Variants in LYPD6B observed in about 807,000 individuals in gnomAD.
The protein encoded by LYPD6B is ly6/PLAUR domain-containing protein 6B.
Under a neutral mutation model 22.8 loss-of-function variants are expected in LYPD6B, and 17 were observed. That is an observed-to-expected ratio of 0.75 (90% CI 0.51 to 1.12). The LOEUF is 1.12. Among genes scored for constraint, LYPD6B ranks in the 50% most tolerant of loss-of-function variants. LYPD6B has a pLI of 0.00. For missense variants in LYPD6B, 221 were observed against 258.3 expected (o/e 0.86, Z 0.99); for synonymous variants, 106 against 91.6 (o/e 1.16, Z -0.90).
chr2:149,200,151 G>A (rs1404386557), intron 3 of LYPD6B, among the ~76,000 whole-genome samples: 1 of 152,164 alleles, frequency 6.6e-6, no homozygotes, highest in Non-Finnish European at 1.5e-5. Flanking sequence ...GAGATAAGTG[G>A]TGCTTGCAGG....
At chr2:149,179,062 C>T (rs1415791208) in intron 3 of LYPD6B, among the ~76,000 whole-genome samples, 1 of 152,214 alleles carries the variant, frequency 6.6e-6, no homozygotes, top group Non-Finnish European at 1.5e-5. Flanking sequence ...ACACTGACTT[C>T]AGAATCACCA....
At chr2:149,145,498 T>C (rs1217418356) in intron 2 of LYPD6B, among the ~76,000 whole-genome samples, 3 of 152,210 alleles carry the variant, frequency 2.0e-5, no homozygotes, top group African/African-American at 7.2e-5. Context: ...GGATGCTTTA[T>C]TGTGCTGACT....
chr2:149,076,973 G>A (rs1684907955), intron 1 of LYPD6B, among the ~76,000 whole-genome samples: 1 of 152,180 alleles, frequency 6.6e-6, no homozygotes, highest in South Asian at 2.1e-4. Flanking sequence ...TCTTAGTAGG[G>A]AGAAGTGAAA....
intron 1 of LYPD6B, among the ~76,000 whole-genome samples, chr2:149,089,548 G>T (rs1004208859): frequency 2.6e-5 from 4 of 152,076 alleles, no homozygotes; most frequent in African/African-American, 4.8e-5. Context: ...ACTCAAATCT[G>T]ATGTTAACAT....
chr2:149,081,771 A>C (rs1685147909), intron 1 of LYPD6B, among the ~76,000 whole-genome samples: 1 of 152,188 alleles, frequency 6.6e-6, no homozygotes, highest in Non-Finnish European at 1.5e-5. Context: ...TTATGTACAC[A>C]TTTTAAAACA....
chr2:149,074,601 T>C (rs888951153), intron 1 of LYPD6B, among the ~76,000 whole-genome samples: 5 of 152,198 alleles, frequency 3.3e-5, no homozygotes, highest in African/African-American at 1.2e-4. Context: ...AGAAGAGTAA[T>C]TGGGGTGAAA....
chr2:149,170,072 A>G (rs948429169), intron 3 of LYPD6B, among the ~76,000 whole-genome samples: 1 of 152,214 alleles, frequency 6.6e-6, no homozygotes, highest in Non-Finnish European at 1.5e-5. Flanking sequence ...GTCTTCAGCC[A>G]TGTCTCTATT....
At chr2:149,167,227 G>T (rs1690488208) in intron 3 of LYPD6B, among the ~76,000 whole-genome samples, 1 of 152,120 alleles carries the variant, frequency 6.6e-6, no homozygotes, top group Non-Finnish European at 1.5e-5. Context: ...CAGTTGAATA[G>T]CTCAGCCTGC....
At chr2:149,046,949 C>G (rs1258312777) in intron 1 of LYPD6B, among the ~76,000 whole-genome samples, 1 of 152,122 alleles carries the variant, frequency 6.6e-6, no homozygotes, top group African/African-American at 2.4e-5. Flanking sequence ...GTTGCATATA[C>G]TTTTATTCTT....
intron 2 of LYPD6B, among the ~76,000 whole-genome samples, chr2:149,146,567 G>A (rs116775359): frequency 0.02 from 3,044 of 152,274 alleles, 41 homozygotes; most frequent in Middle Eastern, 0.037. Context: ...GGAGCCTTTG[G>A]ATGCATTTAT....
intron 2 of LYPD6B, among the ~76,000 whole-genome samples, chr2:149,139,088 C>T (rs994446530): frequency 2.6e-5 from 4 of 152,126 alleles, no homozygotes; most frequent in East Asian, 1.9e-4. Context: ...CATGTAGCAC[C>T]GTGAAGTGCT....
At chr2:149,111,476 G>A (rs1382465036) in intron 1 of LYPD6B, among the ~76,000 whole-genome samples, 1 of 152,120 alleles carries the variant, frequency 6.6e-6, no homozygotes, top group Admixed American at 6.6e-5. Context: ...ATGGTGGGAT[G>A]GGGGTGGGGA....
rs528082449 is a variant in LYPD6B at position 149,114,620 on chromosome 2, A to G, written c.-66-16263A>G. Among the ~76,000 whole-genome samples the G allele has an allele frequency of 2.0e-5, 3 of 152,314 alleles. No individual in the cohort carries two copies. In the South Asian group the frequency reaches 6.2e-4, roughly 32 times the overall value. On this transcript the variant is annotated intron_variant, in intron 1 of 6. Coordinates refer to ENST00000409642, the MANE Select transcript of LYPD6B (RefSeq NM_177964.5). ...CTGTTCTAAGGGCTAATCTTTAGTG[A>G]TAGATGCAGAGACAGGAGATTCAAG...
intron 2 of LYPD6B, among the ~76,000 whole-genome samples, chr2:149,133,274 A>C (rs1245790472): frequency 6.6e-6 from 1 of 152,202 alleles, no homozygotes; most frequent in Non-Finnish European, 1.5e-5. Context: ...AAAAGTACTA[A>C]GCCTCTGTGG....
At chr2:149,044,608 C>T (rs1292526972) in intron 1 of LYPD6B, among the ~76,000 whole-genome samples, 2 of 151,998 alleles carry the variant, frequency 1.3e-5, no homozygotes, top group African/African-American at 4.8e-5. Flanking sequence ...CTTCCTCCAA[C>T]TTATTGCACT....
At chr2:149,179,385 G>A (rs1447960389) in intron 3 of LYPD6B, among the ~76,000 whole-genome samples, 2 of 152,192 alleles carry the variant, frequency 1.3e-5, no homozygotes, top group African/African-American at 4.8e-5. Flanking sequence ...AAAATCTGTA[G>A]CCTTTATGTT....
chr2:149,072,441 A>C (rs1478539846), intron 1 of LYPD6B, among the ~76,000 whole-genome samples: 1 of 152,148 alleles, frequency 6.6e-6, no homozygotes, highest in East Asian at 1.9e-4. Flanking sequence ...AATAAATGCT[A>C]TGAAGGATAA....
In LYPD6B at chr2:149,057,400, TTA is replaced by T. The variant is rs200785745; in HGVS notation, c.-67+18600_-67+18601del. 8.7e-4 allele frequency among the ~76,000 whole-genome samples: 119 copies of T among 136,794 alleles called. 1 individual carries two copies. The highest frequency in any genetic ancestry group is 3.7e-3 in the Middle Eastern group (1 of 268). 89.7% of individuals were successfully genotyped at this position (136,794 alleles called of 152,430 possible). A position where few individuals can be genotyped will look rare whatever the true frequency, so the allele number is the denominator to read the frequency against. ...TGACCCTGCCCTGCACTTTTTTTTTTTAATTACAGTGCCTTTTTTCTTTTGAT... is the reference window on the plus strand; with the variant it reads ...TGACCCTGCCCTGCACTTTTTTTTTTATTACAGTGCCTTTTTTCTTTTGAT... On this transcript the variant is annotated intron_variant, in intron 1 of 6. Coordinates refer to ENST00000409642, the MANE Select transcript of LYPD6B (RefSeq NM_177964.5).
chr2:149,099,197 A>T (rs1201579141), intron 1 of LYPD6B, among the ~76,000 whole-genome samples: 4 of 152,204 alleles, frequency 2.6e-5, no homozygotes, highest in African/African-American at 9.7e-5. Flanking sequence ...GAACTGCCAG[A>T]TAAATGCCAG....
Sources: gnomAD v4.1 joint callset for allele counts (sites outside exome capture counted in the v4.1 genomes callset) on GRCh38, gnomAD v4.1.1 for gene constraint, MANE v1.5 for transcripts, NCBI Gene and HGNC (gene_info 2026-07-23, HGNC 2026-07-21) for gene names.